Variants in AUP1 observed in about 807,000 individuals in gnomAD.
AUP1 encodes lipid droplet-regulating VLDL assembly factor AUP1.
AUP1 carries 30 observed loss-of-function variants against 51.8 expected under a neutral mutation model. The ratio of observed to expected loss-of-function variants is 0.58; its 90% confidence interval spans 0.43 to 0.79. The LOEUF (loss-of-function observed/expected upper bound fraction) is 0.79. Ranked by LOEUF, AUP1 falls within the 30% of genes least tolerant of loss-of-function variation. The probability of loss-of-function intolerance (pLI) is 0.00; values close to 1 mark genes in which losing one functional copy is unlikely to be tolerated. For missense variants in AUP1, 492 were observed against 517.1 expected (o/e 0.95, Z 0.47); for synonymous variants, 227 against 209.0 (o/e 1.09, Z -0.74).
rs560030333 is a variant in AUP1 at position 74,528,044 on chromosome 2, C to T, written c.672-38G>A. On this transcript the variant is annotated intron_variant, in intron 6 of 11. Coordinates refer to ENST00000377526, the MANE Select transcript of AUP1 (RefSeq NM_181575.5). Reference sequence around the variant, plus strand: ...AATCCAGGGCTATGTTGTGGGCACCCAGGGTAGAGGCTGTCACCATTCCCC... The same window carrying T: ...AATCCAGGGCTATGTTGTGGGCACCTAGGGTAGAGGCTGTCACCATTCCCC... The T allele has an allele frequency of 1.2e-5, 20 of 1,611,468 alleles. No individual in the cohort carries two copies. The South Asian group carries it at 2.2e-4, about 18-fold the overall frequency.
rs763204605 is a variant in AUP1 at position 74,527,461 on chromosome 2, T to C, written c.961+10A>G. The C allele has an allele frequency of 1.9e-6, 3 of 1,611,408 alleles. No individual in the cohort carries two copies. The highest frequency in any genetic ancestry group is 2.2e-5 in the East Asian group (1 of 44,866). On this transcript the variant is annotated intron_variant, in intron 9 of 11. Transcript: ENST00000377526. ...CCCATCTCCCAGTGTGGGGCCACCCTTTCCCATACCCAGGTCTCTCTGGAT... is the reference window on the plus strand; with the variant it reads ...CCCATCTCCCAGTGTGGGGCCACCCCTTCCCATACCCAGGTCTCTCTGGAT...
chr2:74,528,356 G>T (rs1675300242), intron 5 of AUP1, 35 bp from the exon 6 acceptor site: 1 of 1,612,460 alleles, frequency 6.2e-7, no homozygotes. Context: ...CCTAAGCCAG[G>T]GCCAGGGATG....
At chr2:74,528,659 G>A (rs892086273) in intron 4 of AUP1, 92 bp downstream of exon 4, 13 of 1,441,650 alleles carry the variant, frequency 9.0e-6, no homozygotes, top group Non-Finnish European at 1.2e-5. Flanking sequence ...GGAGATGATG[G>A]GGTCTAAGGG....
intron 9 of AUP1, 44 bp downstream of exon 9, chr2:74,527,427 C>T (rs760670240): frequency 1.9e-6 from 3 of 1,610,436 alleles, no homozygotes; most frequent in Non-Finnish European, 1.7e-6. Flanking sequence ...CCCACTTTTC[C>T]TCCCTGTGCC....
chr2:74,529,307 G>C, intron 2 of AUP1, 25 bp from the exon 3 acceptor site: 1 of 1,613,924 alleles, frequency 6.2e-7, no homozygotes, highest in Non-Finnish European at 8.5e-7. Flanking sequence ...GGTGGTGACT[G>C]TGTGGCCTCG....
rs903365641 is a variant in AUP1 at position 74,527,537 on chromosome 2, T to C, written c.895A>G (p.Thr299Ala). Residue 299 changes from threonine to alanine, a missense_variant, in exon 9 of 12, where the codon ACT becomes GCT. Coordinates refer to ENST00000377526, the MANE Select transcript of AUP1 (RefSeq NM_181575.5). ...ACTTCCTTGACTCTCTGAGCCAGAGTTGCCAGTTGCACATCAGGAGAAGGA... is the reference window on the plus strand; with the variant it reads ...ACTTCCTTGACTCTCTGAGCCAGAGCTGCCAGTTGCACATCAGGAGAAGGA... The part of the protein sequence containing the change: ...PGPSPDVQLA[T>A]LAQRVKEVLP... 27 of 1,613,512 alleles carry C rather than the reference T, an allele frequency of 1.7e-5. No individual in the cohort carries two copies. In the Admixed American group the frequency reaches 2.5e-4, roughly 15 times the overall value.
chr2:74,529,601 T>A lies in AUP1; in HGVS notation c.29A>T (p.Glu10Val). 6.4e-7 allele frequency: 1 copy of A among 1,568,602 alleles called. No homozygotes were observed. The highest frequency in any genetic ancestry group is 8.7e-7 in the Non-Finnish European group (1 of 1,156,006). ...TTACCGGTGCGAGTCAAAGAGCCGC[T>A]CCGGCCCCGGCCCTGAGGGAAGCTC... MELPSGPGPERLFDSHRLPG... is the reference protein window; with the variant it reads MELPSGPGPVRLFDSHRLPG... The change falls in exon 1 of 12, where the codon GAG (glutamate) becomes GTG (valine). Residue 10 changes from glutamate (E) to valine (V), a missense_variant. Transcript: ENST00000377526.
Position 74,528,852 on chromosome 2 carries a change from T to C in AUP1, c.423A>G (p.Ser141=), listed in dbSNP as rs1451848054. The change falls in exon 4 of 12, where the codon TCA becomes TCG. Residue 141 remains serine, a synonymous_variant. Transcript: ENST00000377526. ...TCGTGGAAGCACAGAATCTCTTGAG[T>C]GACTCCACCAACTCCCCCCGCCCAT... is the stretch of plus-strand genomic sequence containing the variant. ...EMNGRGELVE[S]LKRFCASTRL... 6.2e-7 allele frequency: 1 copy of C among 1,613,602 alleles called. No homozygotes were observed. The highest frequency in any genetic ancestry group is 1.3e-5 in the African/African-American group (1 of 74,730).
chr2:74,529,605 G>A lies in AUP1; in HGVS notation c.25C>T (p.Pro9Ser), dbSNP rs777371915. ...CGGTGCGAGTCAAAGAGCCGCTCCG[G>A]CCCCGGCCCTGAGGGAAGCTCCATA... MELPSGPG[P>S]ERLFDSHRLP... is the part of the protein sequence containing the mutation. Residue 9 changes from proline (P) to serine (S), a missense_variant, in exon 1 of 12, where the codon CCG becomes TCG. Physicochemically the swap from Pro to Ser is moderately conservative, Grantham distance 74. Transcript: ENST00000377526. 39 of 1,569,180 alleles carry A rather than the reference G, an allele frequency of 2.5e-5. No individual in the cohort carries two copies. The highest frequency in any genetic ancestry group is 1.4e-5 in the African/African-American group (1 of 74,064).
At position 74,529,582 on chromosome 2, in the gene AUP1, G is replaced by A; in HGVS notation, c.48C>T (p.His16=). The change falls in exon 1 of 12, where the codon CAC becomes CAT. Residue 16 remains histidine, a splice_region_variant and synonymous_variant. Transcript: ENST00000377526. ...GPGPERLFDS[H]RLPGDCFLLL... Reference sequence around the variant, plus strand: ...TCTCTTCCCGCCGGGTCTCTTACCGGTGCGAGTCAAAGAGCCGCTCCGGCC... The same window carrying A: ...TCTCTTCCCGCCGGGTCTCTTACCGATGCGAGTCAAAGAGCCGCTCCGGCC... 6.4e-7 allele frequency: 1 copy of A among 1,565,922 alleles called. No homozygotes were observed. Among genetic ancestry groups the A allele is most frequent in the South Asian group, 1.2e-5 (1 of 85,732 alleles).
intron 4 of AUP1, 35 bp downstream of exon 4, chr2:74,528,716 A>C (rs753032954): frequency 1.3e-6 from 2 of 1,553,374 alleles, no homozygotes; most frequent in Non-Finnish European, 1.7e-6. Context: ...TTGACCACCT[A>C]CCCAGCTGGC....
At chr2:74,528,059 C>A in intron 6 of AUP1, 53 bp from the exon 7 acceptor site, 1 of 1,594,758 alleles carries the variant, frequency 6.3e-7, no homozygotes, top group South Asian at 1.1e-5. Flanking sequence ...TAGAGGCTGT[C>A]ACCATTCCCC....
In AUP1 at chr2:74,526,995, G is replaced by T. The variant is rs1675217328; in HGVS notation, c.1142C>A (p.Ala381Asp). ...TALTFAKSSW[A>D]RQESLQERKQ... The stretch of plus-strand genomic sequence containing the variant: ...GCGCTCCTGCAGGCTCTCCTGCCGG[G>T]CCCAGGAAGACTTGGCAAATGTTAG... Residue 381 changes from alanine (A) to aspartate (D), a missense_variant, in exon 11 of 12, where the codon GCC becomes GAC. Ala to Asp is a moderately radical substitution (Grantham distance 126). Transcript: ENST00000377526. 6.2e-7 allele frequency: 1 copy of T among 1,614,004 alleles called. No homozygotes were observed. Among genetic ancestry groups the T allele is most frequent in the Admixed American group, 1.7e-5 (1 of 60,006 alleles).
intron 6 of AUP1, 99 bp downstream of exon 6, chr2:74,528,149 T>C: frequency 6.7e-7 from 1 of 1,486,294 alleles, no homozygotes; most frequent in East Asian, 2.3e-5. Context: ...GGTAGAACCT[T>C]GATATAAAGA....
chr2:74,528,174 G>GT, intron 6 of AUP1, 74 bp downstream of exon 6: 1 of 1,515,316 alleles, frequency 6.6e-7, no homozygotes, highest in Non-Finnish European at 9.2e-7. Context: ...CAAATGGACA[G>GT]GGCAGAGGCC....
Position 74,527,724 on chromosome 2 carries a change from G to C in AUP1, c.841+12C>G. 1 of 1,612,622 alleles carries C rather than the reference G, an allele frequency of 6.2e-7. No individual in the cohort carries two copies. The highest frequency in any genetic ancestry group is 2.2e-5 in the East Asian group (1 of 44,884). ...AAAACCCCAAAAGCTGTAATGTATA[G>C]AGACCACATACCTGACTGGGGGCGC... On this transcript the variant is annotated intron_variant, in intron 8 of 11. Coordinates refer to ENST00000377526, the MANE Select transcript of AUP1 (RefSeq NM_181575.5).
chr2:74,527,834 A>T lies in AUP1; in HGVS notation c.743T>A (p.Val248Glu). 6.2e-7 allele frequency: 1 copy of T among 1,614,086 alleles called. No individual in the cohort carries two copies. Among genetic ancestry groups the T allele is most frequent in the Non-Finnish European group, 8.5e-7 (1 of 1,180,000 alleles). The change falls in exon 8 of 12, where the codon GTG becomes GAG. Residue 248 changes from valine (V) to glutamate (E), a missense_variant. By Grantham distance (121) the Val-to-Glu change is moderately radical (BLOSUM62 -2). Coordinates refer to ENST00000377526, the MANE Select transcript of AUP1 (RefSeq NM_181575.5). ...CCCTGTCTGGCCCAATTCCTTGGCC[A>T]CCAGCTAGGGAGAATTGGAAGACTG... ...EEFALRVQQL[V>E]AKELGQTGTR...
In AUP1 at chr2:74,529,151, A is replaced by C; in HGVS notation, c.320T>G (p.Leu107Trp). The C allele has an allele frequency of 4.3e-6, 7 of 1,614,206 alleles. No individual in the cohort carries two copies. Among genetic ancestry groups the C allele is most frequent in the Non-Finnish European group, 5.9e-6 (7 of 1,180,032 alleles). The change falls in exon 3 of 12, where the codon TTG (leucine) becomes TGG (tryptophan). Residue 107 changes from leucine to tryptophan, a missense_variant. Coordinates refer to ENST00000377526, the MANE Select transcript of AUP1 (RefSeq NM_181575.5). ...ACTCACGGTGCTACAGGTGGTAAGC[A>C]AATTGACTATGTTGTGGTCGAAAGG... ...VTPFDHNIVN[L>W]LTTCSTPLLN...
chr2:74,527,944 T>C lies in AUP1; in HGVS notation c.734A>G (p.Gln245Arg). ...CCTGTCTGTGCACCCGACCACCTGT[T>C]GTACACGGAGTGCAAACTCCTCATT... ...EANEEFALRV[Q>R]QLVAKELGQT... Residue 245 changes from glutamine (Q) to arginine (R), a missense_variant, in exon 7 of 12, where the codon CAA becomes CGA. Physicochemically the swap from Gln to Arg is conservative, Grantham distance 43 (BLOSUM62 1). Transcript: ENST00000377526. 6.2e-7 allele frequency: 1 copy of C among 1,614,138 alleles called. No individual in the cohort carries two copies. The highest frequency in any genetic ancestry group is 8.5e-7 in the Non-Finnish European group (1 of 1,180,024).
Sources: allele counts gnomAD v4.1 joint callset, GRCh38; gene constraint gnomAD v4.1.1; transcripts MANE v1.5; gene names NCBI Gene and HGNC (gene_info 2026-07-23, HGNC 2026-07-21).